COLEC10: variants seen among roughly 807,000 people sequenced by gnomAD.
COLEC10 encodes collectin subfamily member 10, also known as collectin-10.
Under a neutral mutation model 28.4 loss-of-function variants are expected in COLEC10, and 22 were observed. The ratio of observed to expected loss-of-function variants is 0.78; its 90% CI spans 0.55 to 1.11. The LOEUF (loss-of-function observed/expected upper bound fraction) is 1.11. Among genes scored for constraint, COLEC10 ranks in the 50% least tolerant of loss-of-function variants. The pLI, the probability that COLEC10 is intolerant of heterozygous loss-of-function variation, is 0.00. For synonymous variants in COLEC10, 125 were observed against 116.1 expected (o/e 1.08, Z -0.49); for missense variants, 361 against 344.1 (o/e 1.05, Z -0.39).
intron 2 of COLEC10, among the ~76,000 whole-genome samples, chr8:119,037,044 G>A (rs1226938531): frequency 6.6e-6 from 1 of 152,088 alleles, no homozygotes; most frequent in African/African-American, 2.4e-5. Context: ...AAGGCAAAGA[G>A]GATGGTTAAA....
intron 2 of COLEC10, among the ~76,000 whole-genome samples, chr8:119,028,135 C>G (rs1272537674): frequency 1.3e-5 from 2 of 152,122 alleles, no homozygotes; most frequent in Non-Finnish European, 2.9e-5. Flanking sequence ...GTACAAGGTC[C>G]TCAGGAGAAG....
In COLEC10 at chr8:119,107,213, A is replaced by G. The variant is rs1815966128; in HGVS notation, c.*1022A>G. 6.6e-6 allele frequency among the ~76,000 whole-genome samples: 1 copy of G among 152,146 alleles called. No homozygotes were observed. The highest frequency in any genetic ancestry group is 1.5e-5 in the Non-Finnish European group (1 of 68,006). Reference sequence around the variant, plus strand: ...AACATATCACTAATGGTGACATTTCATGGGAGGCCTTTTACTCTTCATAAA... The same window carrying G: ...AACATATCACTAATGGTGACATTTCGTGGGAGGCCTTTTACTCTTCATAAA... On this transcript the variant is annotated 3_prime_UTR_variant, in exon 6 of 6. Coordinates refer to ENST00000332843, the MANE Select transcript of COLEC10 (RefSeq NM_006438.5).
At chr8:119,056,410 A>G (rs1814762258) in intron 2 of COLEC10, among the ~76,000 whole-genome samples, 1 of 152,088 alleles carries the variant, frequency 6.6e-6, no homozygotes, top group Non-Finnish European at 1.5e-5. Flanking sequence ...AAAATTGATT[A>G]ACTTAACTGT....
chr8:119,024,223 T>G (rs1814148008), intron 2 of COLEC10, among the ~76,000 whole-genome samples: 1 of 152,124 alleles, frequency 6.6e-6, no homozygotes, highest in Admixed American at 6.6e-5. Flanking sequence ...ACAAAGTTGA[T>G]GGGTACCATT....
intron 1 of COLEC10, chr8:119,068,236 T>G (rs1353930554): frequency 6.6e-6 from 1 of 152,174 alleles, no homozygotes; most frequent in Non-Finnish European, 1.5e-5. Context: ...TAGAAAAAAG[T>G]GTTTTTCCAA....
At chr8:119,087,347 A>T (rs1815500468) in intron 1 of COLEC10, among the ~76,000 whole-genome samples, 2 of 152,214 alleles carry the variant, frequency 1.3e-5, no homozygotes, top group Admixed American at 1.3e-4. Context: ...CAACAAAGGT[A>T]ATTAGAGGGA....
chr8:118,955,502 T>C, the COLEC10 span, among the ~76,000 whole-genome samples: 1 of 152,220 alleles, frequency 6.6e-6, no homozygotes, highest in African/African-American at 2.4e-5. Flanking sequence ...GATTCTGGCA[T>C]TGCTAGCCAT....
upstream of COLEC10, among the ~76,000 whole-genome samples, chr8:118,994,983 G>A (rs1813565433): frequency 6.6e-6 from 1 of 151,980 alleles, no homozygotes; most frequent in African/African-American, 2.4e-5. Flanking sequence ...TTCAATGTGG[G>A]CAAAAGGGGA....
At chr8:119,090,114 G>A (rs1344338450) in intron 2 of COLEC10, among the ~76,000 whole-genome samples, 5 of 152,166 alleles carry the variant, frequency 3.3e-5, no homozygotes, top group Non-Finnish European at 4.4e-5. Flanking sequence ...CTGGCATAGA[G>A]CTTAAGGAGG....
intron 1 of COLEC10, among the ~76,000 whole-genome samples, chr8:119,082,721 G>A (rs530290251): frequency 9.8e-5 from 15 of 152,308 alleles, no homozygotes; most frequent in African/African-American, 2.9e-4. Flanking sequence ...TTTCATTGGC[G>A]AAGACATTTT....
chr8:119,057,714 T>A (rs2130189460), intron 2 of COLEC10, among the ~76,000 whole-genome samples: 1 of 152,224 alleles, frequency 6.6e-6, no homozygotes, highest in East Asian at 1.9e-4. Context: ...TACACATATC[T>A]ATCATTCAAG....
intron 3 of COLEC10, among the ~76,000 whole-genome samples, chr8:119,096,263 T>C (rs1815714798): frequency 6.6e-6 from 1 of 152,144 alleles, no homozygotes; most frequent in Non-Finnish European, 1.5e-5. Context: ...AGACTAACCA[T>C]GTAAGAAAAA....
the COLEC10 span, among the ~76,000 whole-genome samples, chr8:118,975,069 C>T: frequency 1.3e-5 from 2 of 151,974 alleles, no homozygotes; most frequent in Admixed American, 1.3e-4. Flanking sequence ...CCATGCCCTT[C>T]GGGGTTTCAG....
intron 1 of COLEC10, among the ~76,000 whole-genome samples, chr8:118,996,014 CTT>C (rs1813582858): frequency 6.6e-6 from 1 of 152,236 alleles, no homozygotes; most frequent in Admixed American, 6.5e-5. Flanking sequence ...ATAGTTGAAA[CTT>C]TGCACCTGTT....
intron 1 of COLEC10, among the ~76,000 whole-genome samples, chr8:119,075,404 T>C (rs1384278156): frequency 6.6e-6 from 1 of 152,214 alleles, no homozygotes; most frequent in African/African-American, 2.4e-5. Flanking sequence ...TCTGCTCTTT[T>C]AGAAAAGAAT....
At chr8:118,953,555 G>A in the COLEC10 span, among the ~76,000 whole-genome samples, 1 of 152,092 alleles carries the variant, frequency 6.6e-6, no homozygotes, top group African/African-American at 2.4e-5. Context: ...TGTTAACCCT[G>A]GGAAAGGTTT....
At chr8:119,042,653 T>G (rs1350831534) in intron 2 of COLEC10, among the ~76,000 whole-genome samples, 1 of 152,146 alleles carries the variant, frequency 6.6e-6, no homozygotes, top group East Asian at 1.9e-4. Flanking sequence ...AGGAGTTAGA[T>G]TTCAGATACA....
chr8:119,053,864 T>A (rs1427815854), intron 2 of COLEC10, among the ~76,000 whole-genome samples: 1 of 152,126 alleles, frequency 6.6e-6, no homozygotes, highest in Non-Finnish European at 1.5e-5. Context: ...AAACCGTGGA[T>A]AGTATTGAAC....
intron 2 of COLEC10, among the ~76,000 whole-genome samples, chr8:119,062,196 G>T (rs1433137568): frequency 2.6e-5 from 4 of 151,928 alleles, no homozygotes; most frequent in Non-Finnish European, 5.9e-5. Context: ...AATATGTGTG[G>T]AAGATGTAGA....
Sources: allele counts gnomAD v4.1 joint callset (sites outside exome capture counted in the v4.1 genomes callset), GRCh38; gene constraint gnomAD v4.1.1; transcripts MANE v1.5; gene names NCBI Gene and HGNC (gene_info 2026-07-23, HGNC 2026-07-21).